The following GALNTL6 variants were observed in gnomAD, a reference collection of about 807,000 sequenced individuals.
GALNTL6 encodes the protein polypeptide N-acetylgalactosaminyltransferase like 6.
In GALNTL6, 46 loss-of-function variants were observed where a neutral mutation model predicts 73.7. The observed-to-expected ratio is 0.62, with a 90% CI of 0.49 to 0.80. GALNTL6 has a LOEUF of 0.80. Ranked by LOEUF, GALNTL6 falls within the 30% of genes least tolerant of loss-of-function variation. The probability of loss-of-function intolerance (pLI) is 0.00; values close to 1 mark genes in which losing one functional copy is unlikely to be tolerated. For missense variants in GALNTL6, 604 were observed against 755.0 expected, an observed-to-expected ratio of 0.80 and a Z score of 2.34; for synonymous variants, 259 against 263.7, an observed-to-expected ratio of 0.98 and a Z score of 0.17.
chr4:172,609,854 A>T (rs1250013482), intron 5 of GALNTL6, among the ~76,000 whole-genome samples: 2 of 151,384 alleles, frequency 1.3e-5, no homozygotes, highest in Non-Finnish European at 2.9e-5. Context: ...AATATTTATT[A>T]TTGATTCAAT....
intron 5 of GALNTL6, among the ~76,000 whole-genome samples, chr4:172,560,485 T>C (rs1244110217): frequency 1.3e-5 from 2 of 151,562 alleles, no homozygotes; most frequent in Non-Finnish European, 2.9e-5. Flanking sequence ...TGAGACTGTC[T>C]CAAAAAAAAA....
intron 7 of GALNTL6, among the ~76,000 whole-genome samples, chr4:172,865,196 G>T (rs1579582760): frequency 2.6e-5 from 4 of 152,324 alleles, no homozygotes; most frequent in Admixed American, 2.6e-4. Context: ...ATAGAGAAAA[G>T]GCTGGTGCAC....
rs139931610 is a variant in GALNTL6, at chr4:172,180,368, T to A, written c.139-49288T>A. Among the ~76,000 whole-genome samples, 1,495 of 152,254 alleles carry A rather than the reference T, an allele frequency of 9.8e-3. 29 individuals are homozygous for A. The highest frequency in any genetic ancestry group is 0.034 in the African/African-American group (1,426 of 41,554). On this transcript the variant is annotated intron_variant, in intron 2 of 12. Coordinates refer to ENST00000506823, the MANE Select transcript of GALNTL6 (RefSeq NM_001034845.3). Reference sequence around the variant, plus strand: ...TTAGCCCTTTCTCAGATGGATAGATTGCAAAAATTTTCTGCCATTCTGTAG... The same window carrying A: ...TTAGCCCTTTCTCAGATGGATAGATAGCAAAAATTTTCTGCCATTCTGTAG...
chr4:171,855,770 G>A (rs1415283901), intron 2 of GALNTL6, among the ~76,000 whole-genome samples: 3 of 152,144 alleles, frequency 2.0e-5, no homozygotes, highest in Non-Finnish European at 4.4e-5. Context: ...ACTGGCATTT[G>A]GTGTTTGTCA....
At chr4:172,174,176 C>T (rs889829987) in intron 2 of GALNTL6, among the ~76,000 whole-genome samples, 1 of 151,938 alleles carries the variant, frequency 6.6e-6, no homozygotes, top group East Asian at 1.9e-4. Flanking sequence ...GAACTCTGAT[C>T]GCAGCAGTAG....
At chr4:172,812,408 C>T (rs866271215) in intron 6 of GALNTL6, among the ~76,000 whole-genome samples, 4 of 152,088 alleles carry the variant, frequency 2.6e-5, no homozygotes, top group Non-Finnish European at 4.4e-5. Flanking sequence ...AAAGGTCTTC[C>T]GAATAACAAG....
chr4:172,350,930 G>A (rs999870746), intron 5 of GALNTL6, among the ~76,000 whole-genome samples: 3 of 151,992 alleles, frequency 2.0e-5, no homozygotes, highest in Non-Finnish European at 4.4e-5. Context: ...TTAAGTGTAC[G>A]ACATTTGGTA....
chr4:172,934,318 C>CT (rs1326498641), intron 9 of GALNTL6, among the ~76,000 whole-genome samples: 2 of 152,092 alleles, frequency 1.3e-5, no homozygotes, highest in African/African-American at 4.8e-5. Flanking sequence ...CAATTCCTGA[C>CT]TAATATTTCA....
intron 5 of GALNTL6, chr4:172,667,161 G>A (rs780482495): frequency 1.4e-4 from 21 of 152,232 alleles, no homozygotes; most frequent in Non-Finnish European, 2.6e-4. Flanking sequence ...TTCATGTGGG[G>A]TAGTGGAGCG....
chr4:172,825,126 CT>C lies in GALNTL6; in HGVS notation c.923+11406del, dbSNP rs1560977596. Among the ~76,000 whole-genome samples, 205 of 91,114 alleles carry C rather than the reference CT, an allele frequency of 2.2e-3. 4 individuals are homozygous for C. The East Asian group carries it at 0.046, about 21-fold the overall frequency. The allele number at this position is 91,114 out of a possible 152,430, so 59.8% of individuals were successfully genotyped here. On this transcript the variant is annotated intron_variant, in intron 7 of 12. Transcript: ENST00000506823. ...TCTTTCTTTCTTTCTTTCTTTCTTT[CT>C]TTCTTCCTTTCTTTCCTTTTTGGTC...
intron 3 of GALNTL6, among the ~76,000 whole-genome samples, chr4:172,295,991 A>G (rs1336787116): frequency 1.3e-5 from 2 of 152,090 alleles, no homozygotes; most frequent in Non-Finnish European, 2.9e-5. Context: ...GTATCAATAG[A>G]TAGTATCGAT....
At chr4:172,224,220 C>T (rs1217821835) in intron 2 of GALNTL6, among the ~76,000 whole-genome samples, 1 of 152,044 alleles carries the variant, frequency 6.6e-6, no homozygotes, top group African/African-American at 2.4e-5. Context: ...ACTCAAAAAG[C>T]CTTGTAAAGT....
intron 7 of GALNTL6, among the ~76,000 whole-genome samples, chr4:172,861,805 T>C (rs1744407882): frequency 6.6e-6 from 1 of 152,232 alleles, no homozygotes; most frequent in Admixed American, 6.5e-5. Flanking sequence ...ATGTAAGACA[T>C]GACTTTGCTC....
At chr4:172,664,775 C>T (rs1262637583) in intron 5 of GALNTL6, among the ~76,000 whole-genome samples, 1 of 152,150 alleles carries the variant, frequency 6.6e-6, no homozygotes, top group South Asian at 2.1e-4. Context: ...TTTGTAAGCT[C>T]GTTATTGTCT....
At chr4:171,868,873 G>T (rs1736050338) in intron 2 of GALNTL6, among the ~76,000 whole-genome samples, 1 of 152,004 alleles carries the variant, frequency 6.6e-6, no homozygotes, top group African/African-American at 2.4e-5. Context: ...TAGAGACAGG[G>T]TTTCACCATG....
At chr4:172,156,987 G>A (rs1242228801) in intron 2 of GALNTL6, among the ~76,000 whole-genome samples, 1 of 152,066 alleles carries the variant, frequency 6.6e-6, no homozygotes, top group Non-Finnish European at 1.5e-5. Flanking sequence ...TCACTGTTAA[G>A]TGCCATTATC....
intron 2 of GALNTL6, among the ~76,000 whole-genome samples, chr4:172,204,620 AGTTTGCATGATAAAT>A (rs1736052516): frequency 6.6e-6 from 1 of 152,188 alleles, no homozygotes; most frequent in Admixed American, 6.5e-5. Flanking sequence ...AAAGTGTCTT[AGTTTGCATGATAAAT>A]TATATTGTCA....
intron 5 of GALNTL6, among the ~76,000 whole-genome samples, chr4:172,443,399 C>T (rs1187621211): frequency 6.6e-6 from 1 of 151,544 alleles, no homozygotes; most frequent in Admixed American, 6.6e-5. Context: ...CTCCTGACCT[C>T]AAGTGATCCA....
At chr4:172,362,385 CTTAAT>C (rs144058071) in intron 5 of GALNTL6, among the ~76,000 whole-genome samples, 121,684 of 151,504 alleles carry the variant, frequency 0.8, 49,817 homozygotes, top group Non-Finnish European at 0.88. Flanking sequence ...ATTAAACAAA[CTTAAT>C]TTATTTAATG....
Sources: allele counts gnomAD v4.1 joint callset (sites outside exome capture counted in the v4.1 genomes callset), GRCh38; gene constraint gnomAD v4.1.1; transcripts MANE v1.5; gene names NCBI Gene and HGNC (gene_info 2026-07-23, HGNC 2026-07-21).